Variants in LMNTD1 observed in about 807,000 individuals in gnomAD.
LMNTD1 encodes the protein lamin tail domain-containing protein 1.
LMNTD1 carries 35 observed loss-of-function variants against 50.9 expected under a neutral mutation model. The observed-to-expected ratio is 0.69, with a 90% CI of 0.53 to 0.91. The LOEUF is 0.91. LMNTD1 is among the 40% of genes least tolerant of loss of function. LMNTD1 has a pLI of 0.00. For missense variants in LMNTD1, 470 were observed against 475.5 expected, an observed-to-expected ratio of 0.99 and a Z score of 0.11; for synonymous variants, 153 against 161.9, an observed-to-expected ratio of 0.94 and a Z score of 0.42.
chr12:25,518,576 T>C lies in LMNTD1; in HGVS notation c.1189+219A>G, dbSNP rs145075724. ...TTAATTCATTGATTCATTCAACAGATATTTATCAAAGACAGATGTTTATCT... is the reference window on the plus strand; with the variant it reads ...TTAATTCATTGATTCATTCAACAGACATTTATCAAAGACAGATGTTTATCT... On this transcript the variant is annotated intron_variant, in intron 8 of 9. Coordinates refer to ENST00000458174, the MANE Select transcript of LMNTD1 (RefSeq NM_001145728.2). Among the ~76,000 whole-genome samples, 470 of 152,318 alleles carry C rather than the reference T, an allele frequency of 3.1e-3. 6 individuals are homozygous for C. Among genetic ancestry groups the C allele is most frequent in the East Asian group, 0.026 (134 of 5,190 alleles).
intron 1 of LMNTD1, chr12:25,582,610 G>GA (rs976281119): frequency 6.6e-6 from 1 of 152,068 alleles, no homozygotes; most frequent in African/African-American, 2.4e-5. Flanking sequence ...CATACATCTG[G>GA]AAAAAACTTT....
At chr12:25,581,329 G>C (rs138375425) in intron 1 of LMNTD1, among the ~76,000 whole-genome samples, 1 of 152,316 alleles carries the variant, frequency 6.6e-6, no homozygotes, top group East Asian at 1.9e-4. Flanking sequence ...TTCAATGGAG[G>C]CATCTCTTTT....
At position 25,520,081 on chromosome 12, in the gene LMNTD1, G is replaced by GA; in HGVS notation, c.799-7dup. On this transcript the variant is annotated splice_polypyrimidine_tract_variant and splice_region_variant and intron_variant, in intron 6 of 9. Transcript: ENST00000458174. ...GGGGTGTACCACGCAATGGCCTAAT[G>GA]AAAATGATTTATTAATGTTGGCTAT... 1 of 1,583,156 alleles carries GA rather than the reference G, an allele frequency of 6.3e-7. No homozygotes were observed. Among genetic ancestry groups the GA allele is most frequent in the South Asian group, 1.1e-5 (1 of 89,600 alleles).
intron 1 of LMNTD1, among the ~76,000 whole-genome samples, chr12:25,575,733 C>CA (rs1414621001): frequency 6.6e-6 from 1 of 151,930 alleles, no homozygotes. Context: ...TACATGTGCA[C>CA]AACGTGCAGG....
Position 25,586,716 on chromosome 12 carries a change from C to T in LMNTD1, c.59-40162G>A, listed in dbSNP as rs1306419648. Among the ~76,000 whole-genome samples, 6 of 152,260 alleles carry T rather than the reference C, an allele frequency of 3.9e-5. No homozygotes were observed. The South Asian group carries it at 1.0e-3, about 26-fold the overall frequency. On this transcript the variant is annotated intron_variant, in intron 1 of 7. Coordinates refer to the LMNTD1 transcript ENST00000445693. ...CATTAGATTGGGGCTGACATGACAA[C>T]CAACAATATAGGAAGGGGCTGAGTC...
intron 1 of LMNTD1, among the ~76,000 whole-genome samples, chr12:25,592,269 T>C (rs893383746): frequency 1.3e-5 from 2 of 152,150 alleles, no homozygotes; most frequent in Non-Finnish European, 2.9e-5. Context: ...CGTGGAGGCT[T>C]GCATCGTGAA....
At chr12:25,617,171 A>G (rs1281763637) in intron 1 of LMNTD1, among the ~76,000 whole-genome samples, 6 of 152,212 alleles carry the variant, frequency 3.9e-5, no homozygotes, top group African/African-American at 1.4e-4. Flanking sequence ...CTAGCTGCTA[A>G]TATTGACTTT....
At chr12:25,537,640 A>G (rs945183596) in intron 4 of LMNTD1, among the ~76,000 whole-genome samples, 13 of 151,938 alleles carry the variant, frequency 8.6e-5, no homozygotes, top group African/African-American at 2.9e-4. Context: ...GAAGAGAAAA[A>G]CTGGAAACTC....
chr12:25,516,228 G>A (rs1388762759), intron 8 of LMNTD1, among the ~76,000 whole-genome samples: 1 of 152,010 alleles, frequency 6.6e-6, no homozygotes, highest in East Asian at 1.9e-4. Context: ...AAAATTAACT[G>A]AATGGAAAAA....
At chr12:25,519,586 T>TTA (rs781742784) in intron 7 of LMNTD1, among the ~76,000 whole-genome samples, 62 of 74,922 alleles carry the variant, frequency 8.3e-4, no homozygotes, top group South Asian at 1.6e-3. Context: ...AGACTCTGTC[T>TTA]CAAAAAAAAA....
At position 25,503,747 on chromosome 12, in the gene LMNTD1, T is replaced by C. The variant is rs1591836160; in HGVS notation, c.*13A>G. On this transcript the variant is annotated 3_prime_UTR_variant, in exon 9 of 10. Coordinates refer to ENST00000458174, the MANE Select transcript of LMNTD1 (RefSeq NM_001145728.2). The stretch of plus-strand genomic sequence containing the variant: ...CAATACAGTTACTTACCTTTAAAGG[T>C]TGAGTTGACTGCTTATTGCTTTTGT... 1 of 1,566,212 alleles carries C rather than the reference T, an allele frequency of 6.4e-7. No individual in the cohort carries two copies. The highest frequency in any genetic ancestry group is 8.7e-7 in the Non-Finnish European group (1 of 1,145,150).
intron 1 of LMNTD1, among the ~76,000 whole-genome samples, chr12:25,614,950 A>C (rs567292238): frequency 6.6e-6 from 1 of 152,270 alleles, no homozygotes; most frequent in South Asian, 2.1e-4. Context: ...GCCTCTTCTT[A>C]TAAGGTCATT....
At chr12:25,588,269 AT>A (rs1376154407) in intron 1 of LMNTD1, among the ~76,000 whole-genome samples, 1 of 152,194 alleles carries the variant, frequency 6.6e-6, no homozygotes, top group African/African-American at 2.4e-5. Flanking sequence ...ACATGGAGAG[AT>A]TTGTAAATTT....
chr12:25,624,183 T>C (rs1488610261), intron 1 of LMNTD1, among the ~76,000 whole-genome samples: 2 of 63,508 alleles, frequency 3.1e-5, no homozygotes, highest in African/African-American at 1.2e-4. Flanking sequence ...CATTGTACTG[T>C]CAATAGGGAT....
chr12:25,562,366 A>G (rs1944367035), intron 1 of LMNTD1, among the ~76,000 whole-genome samples: 1 of 152,168 alleles, frequency 6.6e-6, no homozygotes, highest in Non-Finnish European at 1.5e-5. Flanking sequence ...GTTTGTCTGT[A>G]AAGGATTTTA....
chr12:25,601,255 T>G (rs992371248), intron 1 of LMNTD1, among the ~76,000 whole-genome samples: 1 of 151,808 alleles, frequency 6.6e-6, no homozygotes, highest in Non-Finnish European at 1.5e-5. Flanking sequence ...TCAAAACAGT[T>G]GATCTCAGGA....
chr12:25,492,064 G>GT (rs1938901489), intron 9 of LMNTD1, among the ~76,000 whole-genome samples: 1 of 152,226 alleles, frequency 6.6e-6, no homozygotes, highest in Non-Finnish European at 1.5e-5. Context: ...CTATGGGAAA[G>GT]TAAGAGTCAT....
intron 3 of LMNTD1, 76 bp downstream of exon 3, chr12:25,549,250 G>T: frequency 2.7e-6 from 2 of 740,374 alleles, no homozygotes. Flanking sequence ...CATTCTGACT[G>T]AGAGTCATAT....
At chr12:25,490,548 G>A (rs1454006355) in intron 9 of LMNTD1, among the ~76,000 whole-genome samples, 2 of 152,054 alleles carry the variant, frequency 1.3e-5, no homozygotes, top group East Asian at 3.9e-4. Context: ...ATTTTACAGA[G>A]GTGCGGAAGG....
Sources: gnomAD v4.1 joint callset for allele counts (sites outside exome capture counted in the v4.1 genomes callset) on GRCh38, gnomAD v4.1.1 for gene constraint, MANE v1.5 for transcripts, NCBI Gene and HGNC (gene_info 2026-07-23, HGNC 2026-07-21) for gene names.